Variants in FBXW8 observed in about 807,000 individuals in gnomAD.
The protein encoded by FBXW8 is F-box/WD repeat-containing protein 8.
Under a neutral mutation model 65.3 loss-of-function variants are expected in FBXW8, and 57 were observed. That is an observed-to-expected ratio of 0.87 (90% CI 0.71 to 1.09). The LOEUF (loss-of-function observed/expected upper bound fraction) is 1.09. Ranked by LOEUF, FBXW8 falls within the 50% of genes least tolerant of loss-of-function variation. The pLI is 0.00. For missense variants in FBXW8, 777 were observed against 814.8 expected (o/e 0.95, Z 0.57); for synonymous variants, 308 against 330.2 (o/e 0.93, Z 0.73).
intron 1 of FBXW8, among the ~76,000 whole-genome samples, chr12:116,921,089 A>T (rs1450937856): frequency 6.6e-6 from 1 of 152,106 alleles, no homozygotes; most frequent in African/African-American, 2.4e-5. Flanking sequence ...GCATTTCTTT[A>T]GATTGGCATC....
intron 4 of FBXW8, among the ~76,000 whole-genome samples, chr12:116,955,413 A>G (rs954303557): frequency 6.3e-4 from 96 of 152,210 alleles, no homozygotes; most frequent in African/African-American, 2.1e-3. Flanking sequence ...ATAAGTCACC[A>G]GTCTCTACAG....
chr12:116,976,083 A>G lies in FBXW8; in HGVS notation c.836-9123A>G, dbSNP rs574182717. Among the ~76,000 whole-genome samples, 88 of 152,362 alleles carry G rather than the reference A, an allele frequency of 5.8e-4. No homozygotes were observed. In the Middle Eastern group the frequency reaches 0.01, roughly 18 times the overall value. On this transcript the variant is annotated intron_variant, in intron 5 of 10. Transcript: ENST00000652555. Reference sequence around the variant, plus strand: ...AACTGGAACTCTTTGCATAATTTTTATAACATTTTTGTAAGTCTGAAATTA... The same window carrying G: ...AACTGGAACTCTTTGCATAATTTTTGTAACATTTTTGTAAGTCTGAAATTA...
intron 4 of FBXW8, among the ~76,000 whole-genome samples, chr12:116,955,064 C>T (rs1233611791): frequency 6.9e-6 from 1 of 144,552 alleles, no homozygotes; most frequent in Non-Finnish European, 1.5e-5. Context: ...TATTAAGCAT[C>T]TGTATGCCCT....
At chr12:116,940,506 T>C (rs189837280) in intron 2 of FBXW8, among the ~76,000 whole-genome samples, 1,988 of 148,900 alleles carry the variant, frequency 0.013, 26 homozygotes, top group South Asian at 0.054. Flanking sequence ...TTTTTTTTTT[T>C]CCTTCCAGTT....
In FBXW8 at chr12:117,027,552, T is replaced by C. The variant is rs781769946; in HGVS notation, c.1652+48T>C. On this transcript the variant is annotated intron_variant, in intron 10 of 10. Transcript: ENST00000652555. Reference sequence around the variant, plus strand: ...TAAGAGACCATCTTAGTTTGACTGATGTATAGAACCCCACCCCCCCCGCCG... The same window carrying C: ...TAAGAGACCATCTTAGTTTGACTGACGTATAGAACCCCACCCCCCCCGCCG... 114 of 1,429,906 alleles carry C rather than the reference T, an allele frequency of 8.0e-5. No homozygotes were observed. In the Admixed American group the frequency reaches 2.0e-3, roughly 26 times the overall value. The allele number at this position is 1,429,906 out of a possible 1,614,324, so 88.6% of individuals were successfully genotyped here.
Position 117,024,325 on chromosome 12 carries a change from G to C in FBXW8, c.1541+5G>C, listed in dbSNP as rs77238009. The stretch of plus-strand genomic sequence containing the variant: ...GCTGTGGGAGGTGTATTCCGGGTAA[G>C]GTGCATTCTAGACACTCTTGGGAGT... On this transcript the variant is annotated splice_donor_5th_base_variant and intron_variant, in intron 9 of 10. Transcript: ENST00000652555. The C allele has an allele frequency of 1.2e-4, 194 of 1,614,068 alleles. No homozygotes were observed. The African/African-American group carries it at 2.3e-3, about 19-fold the overall frequency.
intron 1 of FBXW8, among the ~76,000 whole-genome samples, chr12:116,912,752 C>G (rs1364633404): frequency 6.6e-6 from 1 of 152,166 alleles, no homozygotes; most frequent in Non-Finnish European, 1.5e-5. Flanking sequence ...CGTGAGCCAC[C>G]GCGCCCGGCC....
intron 2 of FBXW8, 113 bp from the exon 3 acceptor site, chr12:116,945,251 A>G (rs1404391359): frequency 9.8e-7 from 1 of 1,020,192 alleles, no homozygotes; most frequent in Non-Finnish European, 1.4e-6. Flanking sequence ...TTAATGAGAC[A>G]TTTTATACTG....
chr12:116,986,701 T>A (rs11068277), intron 6 of FBXW8: 103,186 of 152,086 alleles, frequency 0.68, 39,250 homozygotes, highest in Non-Finnish European at 0.84. Flanking sequence ...ACCCAGATAC[T>A]TACTTAAGAT....
intron 5 of FBXW8, among the ~76,000 whole-genome samples, chr12:116,983,425 A>G (rs913102001): frequency 6.6e-6 from 1 of 152,228 alleles, no homozygotes; most frequent in African/African-American, 2.4e-5. Flanking sequence ...GATGCGAAGC[A>G]ACATTTAGCT....
chr12:116,981,155 C>G (rs901974567), intron 5 of FBXW8, among the ~76,000 whole-genome samples: 81 of 152,202 alleles, frequency 5.3e-4, no homozygotes, highest in African/African-American at 1.8e-3. Context: ...ATTCACTATT[C>G]AAGTCCTTGC....
In FBXW8 at chr12:116,911,000, GGAACCGA is replaced by G; in HGVS notation, c.-36_-30del. On this transcript the variant is annotated 5_prime_UTR_variant, in exon 1 of 11. Transcript: ENST00000652555. ...GCGGGACTGTCTCGTGGCACCCGGT[GGAACCGA>G]GGAGAACGTGGAGCGCCGGGAGCGG... 7.3e-7 allele frequency: 1 copy of G among 1,364,484 alleles called. No individual in the cohort carries two copies. The allele number at this position is 1,364,484 out of a possible 1,614,324, so 84.5% of individuals were successfully genotyped here.
Position 117,029,572 on chromosome 12 carries a change from A to C in FBXW8, c.*1400A>C. On this transcript the variant is annotated 3_prime_UTR_variant, in exon 11 of 11. Transcript: ENST00000652555. ...CAGGATAAAAACAGACATCAGTGGA[A>C]TCGAAAACCAATAGTTAGTTAATAT... 1 of 152,180 alleles carries C rather than the reference A, an allele frequency of 6.6e-6. No homozygotes were observed. Among genetic ancestry groups the C allele is most frequent in the Non-Finnish European group, 1.5e-5 (1 of 68,060 alleles). 9.4% of individuals were successfully genotyped at this position (152,180 alleles called of 1,614,324 possible). A position where few individuals can be genotyped will look rare whatever the true frequency, so the allele number is the denominator to read the frequency against.
chr12:117,012,061 G>A (rs1460954572), intron 8 of FBXW8, among the ~76,000 whole-genome samples: 1 of 152,116 alleles, frequency 6.6e-6, no homozygotes, highest in Non-Finnish European at 1.5e-5. Flanking sequence ...GGAGACTTGA[G>A]CATCTGTAGA....
At chr12:116,996,043 G>A (rs942058565) in intron 7 of FBXW8, among the ~76,000 whole-genome samples, 3 of 152,182 alleles carry the variant, frequency 2.0e-5, no homozygotes, top group Non-Finnish European at 4.4e-5. Flanking sequence ...AAGAGCATTA[G>A]GTTGATGACG....
chr12:116,923,184 C>T (rs957456741), intron 1 of FBXW8, among the ~76,000 whole-genome samples: 56 of 151,840 alleles, frequency 3.7e-4, no homozygotes, highest in African/African-American at 1.2e-3. Context: ...CCAGACTGGG[C>T]GACAGAGCGA....
In FBXW8 at chr12:116,985,408, C is replaced by G. The variant is rs766231928; in HGVS notation, c.1032+6C>G. 3.1e-6 allele frequency: 5 copies of G among 1,610,406 alleles called. No individual in the cohort carries two copies. The highest frequency in any genetic ancestry group is 4.2e-6 in the Non-Finnish European group (5 of 1,178,694). On this transcript the variant is annotated splice_donor_region_variant and intron_variant, in intron 6 of 10. Coordinates refer to ENST00000652555, the MANE Select transcript of FBXW8 (RefSeq NM_153348.3). ...AATTTGAAGTTCCGAAACTGGTGAG[C>G]TTTTTAGTCTGGTCATCTTATTTTC...
In FBXW8 at chr12:116,964,646, A is replaced by G. The variant is rs758440098; in HGVS notation, c.678-51A>G. 31 of 1,606,934 alleles carry G rather than the reference A, an allele frequency of 1.9e-5. No homozygotes were observed. The Admixed American group carries it at 2.8e-4, about 15-fold the overall frequency. On this transcript the variant is annotated intron_variant, in intron 4 of 10. Coordinates refer to ENST00000652555, the MANE Select transcript of FBXW8 (RefSeq NM_153348.3). ...AGGCTCTGTGCATTTTCCCCACCAT[A>G]GCCCTGCTCTTCAATCTCCTTTTGG... is the stretch of plus-strand genomic sequence containing the variant.
At chr12:116,982,292 A>G (rs961978869) in intron 5 of FBXW8, among the ~76,000 whole-genome samples, 4 of 152,220 alleles carry the variant, frequency 2.6e-5, no homozygotes, top group African/African-American at 7.2e-5. Context: ...GACACAAGCG[A>G]AAAGATGGGA....
Sources: allele counts gnomAD v4.1 joint callset (sites outside exome capture counted in the v4.1 genomes callset), GRCh38; gene constraint gnomAD v4.1.1; transcripts MANE v1.5; gene names NCBI Gene and HGNC (gene_info 2026-07-23, HGNC 2026-07-21).